The following PHACTR2 variants were observed in gnomAD, a reference collection of about 807,000 sequenced individuals.
The protein encoded by PHACTR2 is chromosome 6 open reading frame 56.
Under a neutral mutation model 76.0 loss-of-function variants are expected in PHACTR2, and 30 were observed. The ratio of observed to expected loss-of-function variants is 0.39; its 90% CI spans 0.30 to 0.54. The LOEUF (loss-of-function observed/expected upper bound fraction) is 0.54. PHACTR2 is among the 20% of genes least tolerant of loss of function. The pLI, the probability that PHACTR2 is intolerant of heterozygous loss-of-function variation, is 0.61. For missense variants in PHACTR2, 696 were observed against 781.1 expected (o/e 0.89, Z 1.30); for synonymous variants, 292 against 292.5 (o/e 1.00, Z 0.02).
rs1777366402 is a variant in PHACTR2 at position 143,680,479 on chromosome 6, T to A, written c.46+2270T>A. ...TTCATACTTATCGCTCAATTTGGCC[T>A]TTTGTAAAAATCTTCATTATAGGCT... On this transcript the variant is annotated intron_variant, in intron 1 of 12. Transcript: ENST00000440869. This position sits in a 1 kb window ranked among gnomAD's most constrained non-coding sequence, Gnocchi z 4.5. Among the ~76,000 whole-genome samples, 1 of 152,214 alleles carries A rather than the reference T, an allele frequency of 6.6e-6. No homozygotes were observed. The highest frequency in any genetic ancestry group is 2.4e-5 in the African/African-American group (1 of 41,458).
intron 1 of PHACTR2, among the ~76,000 whole-genome samples, chr6:143,540,346 C>T (rs1259800397): frequency 6.6e-6 from 1 of 152,070 alleles, no homozygotes; most frequent in African/African-American, 2.4e-5. Flanking sequence ...AGAGAACAGC[C>T]TCCCTCCAGA....
intron 1 of PHACTR2, among the ~76,000 whole-genome samples, chr6:143,612,250 C>T (rs1026264821): frequency 1.3e-5 from 2 of 152,162 alleles, no homozygotes; most frequent in African/African-American, 4.8e-5. Flanking sequence ...GAGAAACATG[C>T]TCCTAAGCAT....
chr6:143,638,230 C>T (rs762006222), intron 1 of PHACTR2, among the ~76,000 whole-genome samples: 7 of 152,064 alleles, frequency 4.6e-5, no homozygotes, highest in Non-Finnish European at 8.8e-5. Flanking sequence ...ATTCAGTGAT[C>T]GCTATGGCTT....
chr6:143,786,253 C>G (rs1775555381), intron 10 of PHACTR2, among the ~76,000 whole-genome samples: 1 of 152,214 alleles, frequency 6.6e-6, no homozygotes, highest in African/African-American at 2.4e-5. Context: ...ATCTCTAGGG[C>G]AGGGGCAAAA....
chr6:143,698,102 T>G lies in PHACTR2; in HGVS notation c.47-13914T>G, dbSNP rs995341291. ...TGTTCAATGTTTCTTCAGACCAGTA[T>G]TGAAAATCTAAATAAAAATTATATT... On this transcript the variant is annotated intron_variant, in intron 1 of 12. Coordinates refer to ENST00000440869, the MANE Select transcript of PHACTR2 (RefSeq NM_001100164.2). The surrounding 1 kb of genome is among the most constrained non-coding windows in gnomAD (Gnocchi z 4.3). 1.3e-5 allele frequency among the ~76,000 whole-genome samples: 2 copies of G among 152,218 alleles called. No homozygotes were observed. The highest frequency in any genetic ancestry group is 2.4e-5 in the African/African-American group (1 of 41,456).
chr6:143,658,440 C>A lies in PHACTR2; in HGVS notation c.13+50118C>A, dbSNP rs1171723173. On this transcript the variant is annotated intron_variant, in intron 1 of 11. Coordinates refer to the PHACTR2 transcript ENST00000305766. This position sits in a 1 kb window ranked among gnomAD's most constrained non-coding sequence, Gnocchi z 4.1. ...ACAGATTTTTTTCAATAAAGTACAA[C>A]CATGCATTGCTTAAAGACAGGGATA... Among the ~76,000 whole-genome samples the A allele has an allele frequency of 6.6e-6, 1 of 152,064 alleles. No individual in the cohort carries two copies. The highest frequency in any genetic ancestry group is 1.5e-5 in the Non-Finnish European group (1 of 68,008).
In PHACTR2 at chr6:143,626,400, G is replaced by A. The variant is rs544390537; in HGVS notation, c.13+18078G>A. ...AAAATAAAAAAAATTAGCCGGGCGCGGTGGTGGGCGCCTTTAGTCCCAGGT... is the reference window on the plus strand; with the variant it reads ...AAAATAAAAAAAATTAGCCGGGCGCAGTGGTGGGCGCCTTTAGTCCCAGGT... On this transcript the variant is annotated intron_variant, in intron 1 of 11. Transcript: ENST00000305766. 9.1e-3 allele frequency among the ~76,000 whole-genome samples: 1,376 copies of A among 152,026 alleles called. 24 individuals carry two copies. Among genetic ancestry groups the A allele is most frequent in the African/African-American group, 0.031 (1,296 of 41,402 alleles).
Position 143,602,509 on chromosome 6 carries a change from C to T in PHACTR2, c.217+65302C>T, listed in dbSNP as rs925165620. Among the ~76,000 whole-genome samples the T allele has an allele frequency of 2.6e-5, 4 of 152,156 alleles. No individual in the cohort carries two copies. Among genetic ancestry groups the T allele is most frequent in the African/African-American group, 4.8e-5 (2 of 41,440 alleles). ...TAGAGCCATTACTACATAGGAGCTG[C>T]GCATCTGGCCTTGACCTCTGCTTTT... On this transcript the variant is annotated intron_variant, in intron 1 of 11. Coordinates refer to the PHACTR2 transcript ENST00000367584. This position sits in a 1 kb window ranked among gnomAD's most constrained non-coding sequence, Gnocchi z 6.1.
Position 143,783,264 on chromosome 6 carries a change from G to A in PHACTR2, c.1691G>A (p.Arg564His), listed in dbSNP as rs773717681. Residue 564 changes from arginine (R) to histidine (H), a missense_variant, in exon 10 of 13, where the codon CGC (arginine) becomes CAC (histidine). Transcript: ENST00000440869. The surrounding 1 kb of genome is among the most constrained non-coding windows in gnomAD (Gnocchi z 5.2). ...EEQEAKMELK[R>H]RLSRKLSLRP... Reference sequence around the variant, plus strand: ...CAAGAAGCAAAAATGGAACTTAAACGCAGACTCAGCAGAAAGGTAATGAAA... The same window carrying A: ...CAAGAAGCAAAAATGGAACTTAAACACAGACTCAGCAGAAAGGTAATGAAA... 25 of 1,602,846 alleles carry A rather than the reference G, an allele frequency of 1.6e-5. No homozygotes were observed. Among genetic ancestry groups the A allele is most frequent in the East Asian group, 4.5e-5 (2 of 44,778 alleles).
chr6:143,771,682 C>T (rs1047710797), intron 6 of PHACTR2, among the ~76,000 whole-genome samples: 1 of 152,086 alleles, frequency 6.6e-6, no homozygotes, highest in African/African-American at 2.4e-5. Flanking sequence ...AGTGATTCTC[C>T]CACTTCAGCC....
intron 11 of PHACTR2, among the ~76,000 whole-genome samples, chr6:143,798,725 A>G (rs1472036022): frequency 6.6e-6 from 1 of 152,208 alleles, no homozygotes; most frequent in African/African-American, 2.4e-5. Context: ...CTTGCATTGC[A>G]GGGATGAAGC....
Position 143,571,552 on chromosome 6 carries a change from G to A in PHACTR2, c.217+34345G>A, listed in dbSNP as rs1775447017. 6.6e-6 allele frequency among the ~76,000 whole-genome samples: 1 copy of A among 152,062 alleles called. No individual in the cohort carries two copies. ...GCCTCCTGAGCAGCTGGGACTACAGGTGTGCACTGCCACACCTGGTTAATT... is the reference window on the plus strand; with the variant it reads ...GCCTCCTGAGCAGCTGGGACTACAGATGTGCACTGCCACACCTGGTTAATT... On this transcript the variant is annotated intron_variant, in intron 1 of 11. Coordinates refer to the PHACTR2 transcript ENST00000367584. The surrounding 1 kb of genome is among the most constrained non-coding windows in gnomAD (Gnocchi z 4.6).
rs964100146 is a variant in PHACTR2 at position 143,688,091 on chromosome 6, A to T, written c.46+9882A>T. 1.3e-5 allele frequency among the ~76,000 whole-genome samples: 2 copies of T among 152,158 alleles called. No homozygotes were observed. The highest frequency in any genetic ancestry group is 6.5e-5 in the Admixed American group (1 of 15,286). ...GTAGGACTAGATCAGGAGGCAAAAC[A>T]CATAATGGGGACAAGAATTCAGGCT... On this transcript the variant is annotated intron_variant, in intron 1 of 12. Coordinates refer to ENST00000440869, the MANE Select transcript of PHACTR2 (RefSeq NM_001100164.2). The surrounding 1 kb of genome is among the most constrained non-coding windows in gnomAD (Gnocchi z 5.2).
Position 143,591,007 on chromosome 6 carries a change from C to T in PHACTR2, c.217+53800C>T, listed in dbSNP as rs936191129. Among the ~76,000 whole-genome samples, 2 of 152,152 alleles carry T rather than the reference C, an allele frequency of 1.3e-5. No homozygotes were observed. Among genetic ancestry groups the T allele is most frequent in the Non-Finnish European group, 1.5e-5 (1 of 68,026 alleles). On this transcript the variant is annotated intron_variant, in intron 1 of 11. Coordinates refer to the PHACTR2 transcript ENST00000367584. The surrounding 1 kb of genome is among the most constrained non-coding windows in gnomAD (Gnocchi z 6.4). Reference sequence around the variant, plus strand: ...TCGACGTGTATATCCTACCAACAGTCGGCCAAGTAGAATTGTACTTGTATA... The same window carrying T: ...TCGACGTGTATATCCTACCAACAGTTGGCCAAGTAGAATTGTACTTGTATA...
chr6:143,711,974 C>CT (rs769423164), intron 1 of PHACTR2, 42 bp from the exon 2 acceptor site: 71 of 1,586,220 alleles, frequency 4.5e-5, no homozygotes, highest in Non-Finnish European at 6.1e-5. Context: ...TTATTACAAC[C>CT]TTTTTTACAA....
chr6:143,621,857 C>A lies in PHACTR2; in HGVS notation c.13+13535C>A, dbSNP rs561271536. On this transcript the variant is annotated intron_variant, in intron 1 of 11. Coordinates refer to the PHACTR2 transcript ENST00000305766. This position sits in a 1 kb window ranked among gnomAD's most constrained non-coding sequence, Gnocchi z 4.1. The stretch of plus-strand genomic sequence containing the variant: ...CCAAGGTGATCACTTGGCCCCAGGT[C>A]CCCCTGCTCTGGCTCCCTGAGTTCC... Among the ~76,000 whole-genome samples, 4 of 152,328 alleles carry A rather than the reference C, an allele frequency of 2.6e-5. No individual in the cohort carries two copies. In the East Asian group the frequency reaches 7.7e-4, roughly 29 times the overall value.
chr6:143,626,367 C>A (rs1000223119), intron 1 of PHACTR2, among the ~76,000 whole-genome samples: 2 of 152,036 alleles, frequency 1.3e-5, no homozygotes, highest in African/African-American at 4.8e-5. Context: ...GAAACCCCGT[C>A]TCTACTGAAA....
chr6:143,537,136 G>A lies in PHACTR2; in HGVS notation c.146G>A (p.Gly49Asp). The A allele has an allele frequency of 9.2e-6, 3 of 324,704 alleles. No individual in the cohort carries two copies. Among genetic ancestry groups the A allele is most frequent in the South Asian group, 6.9e-5 (2 of 28,996 alleles). 20.1% of individuals were successfully genotyped at this position (324,704 alleles called of 1,614,324 possible). ...CTTCCCGGGGACCCGAGCCCCCGCG[G>A]CCGCTCACAGAGCGACCTCTCGTCG... Residue 49 changes from glycine to aspartate, a missense_variant, in exon 1 of 12, where the codon GGC becomes GAC. Coordinates refer to the PHACTR2 transcript ENST00000367584. This position sits in a 1 kb window ranked among gnomAD's most constrained non-coding sequence, Gnocchi z 4.4.
intron 1 of PHACTR2, among the ~76,000 whole-genome samples, chr6:143,665,818 C>T (rs768191511): frequency 2.0e-5 from 3 of 152,138 alleles, no homozygotes; most frequent in African/African-American, 4.8e-5. Flanking sequence ...TTACTTTGTT[C>T]GAAACTGTCA....
Sources: allele counts gnomAD v4.1 joint callset (sites outside exome capture counted in the v4.1 genomes callset), GRCh38; gene constraint gnomAD v4.1.1; non-coding constraint Gnocchi (gnomAD v3.1); transcripts MANE v1.5; gene names NCBI Gene and HGNC (gene_info 2026-07-23, HGNC 2026-07-21).